KCNJ6: variants seen among roughly 807,000 people sequenced by gnomAD.
KCNJ6 encodes G protein-activated inward rectifier potassium channel 2.
Under a neutral mutation model 34.2 loss-of-function variants are expected in KCNJ6, and 9 were observed. That is an observed-to-expected ratio of 0.26 (90% confidence interval 0.16 to 0.46). The LOEUF is 0.46. Among genes scored for constraint, KCNJ6 ranks in the 20% least tolerant of loss-of-function variants. KCNJ6 has a pLI of 1.00. For synonymous variants in KCNJ6, 196 were observed against 207.1 expected (o/e 0.95, Z 0.46); for missense variants, 236 against 531.3 (o/e 0.44, Z 5.46).
At chr21:37,748,226 G>T (rs535685569) in intron 2 of KCNJ6, among the ~76,000 whole-genome samples, 6 of 152,302 alleles carry the variant, frequency 3.9e-5, no homozygotes, top group Admixed American at 2.6e-4. Context: ...CAGTTTAATT[G>T]GATCTAGGAA....
At position 37,655,212 on chromosome 21, in the gene KCNJ6, TGTGTGTGTGTGTGAGAGAGAGAGA is replaced by T. The variant is rs1569438828; in HGVS notation, c.947-29752_947-29729del. ...GTGTGTGTGTGTGTGTGTGTGTGTG[TGTGTGTGTGTGTGAGAGAGAGAGA>T]GAGAGAGAGAGAGAGAGAGAGAGAG... is the stretch of plus-strand genomic sequence containing the variant. On this transcript the variant is annotated intron_variant, in intron 3 of 3. Transcript: ENST00000609713. Among the ~76,000 whole-genome samples the T allele has an allele frequency of 2.3e-3, 137 of 60,084 alleles. 6 individuals are homozygous for T. The highest frequency in any genetic ancestry group is 0.022 in the East Asian group (61 of 2,824). 39.4% of individuals were successfully genotyped at this position (60,084 alleles called of 152,430 possible).
chr21:37,701,040 AG>A (rs2054688405), intron 3 of KCNJ6, among the ~76,000 whole-genome samples: 2 of 152,160 alleles, frequency 1.3e-5, no homozygotes, highest in African/African-American at 4.8e-5. Flanking sequence ...ATCTGACTTT[AG>A]GACACATTAT....
intron 2 of KCNJ6, among the ~76,000 whole-genome samples, chr21:37,718,407 G>A (rs767727009): frequency 2.0e-5 from 3 of 152,198 alleles, no homozygotes; most frequent in Non-Finnish European, 2.9e-5. Flanking sequence ...AGAGTGGTCA[G>A]GGGGAATGGT....
intron 3 of KCNJ6, among the ~76,000 whole-genome samples, chr21:37,668,767 AAGG>A (rs1009226490): frequency 1.3e-5 from 2 of 152,198 alleles, no homozygotes; most frequent in Non-Finnish European, 2.9e-5. Flanking sequence ...TCTGCTGAGG[AAGG>A]AGAAGGATCC....
At chr21:37,718,281 G>A (rs2054804883) in intron 2 of KCNJ6, among the ~76,000 whole-genome samples, 1 of 152,188 alleles carries the variant, frequency 6.6e-6, no homozygotes, top group Non-Finnish European at 1.5e-5. Flanking sequence ...TATCTGTCTA[G>A]AAACCAGAAA....
At chr21:37,838,506 A>C (rs2055463205) in intron 2 of KCNJ6, among the ~76,000 whole-genome samples, 1 of 152,208 alleles carries the variant, frequency 6.6e-6, no homozygotes, top group Non-Finnish European at 1.5e-5. Flanking sequence ...CCATTCATGG[A>C]CAATGATGCT....
chr21:37,751,626 C>T (rs561586052), intron 2 of KCNJ6, among the ~76,000 whole-genome samples: 1 of 152,306 alleles, frequency 6.6e-6, no homozygotes, highest in African/African-American at 2.4e-5. Flanking sequence ...GGTGAGTTCC[C>T]CCTCTAAATG....
intron 1 of KCNJ6, among the ~76,000 whole-genome samples, chr21:37,863,614 T>A (rs1401922753): frequency 6.6e-6 from 1 of 152,198 alleles, no homozygotes; most frequent in African/African-American, 2.4e-5. Flanking sequence ...ATAAGGTTAT[T>A]AAAATATTAT....
intron 1 of KCNJ6, among the ~76,000 whole-genome samples, chr21:37,858,392 C>CAAAAAAAAAA (rs60814205): frequency 4.2e-4 from 23 of 54,520 alleles, no homozygotes; most frequent in African/African-American, 1.5e-3. Context: ...GACTCCGTCT[C>CAAAAAAAAAA]AAAAAAAAAA....
At chr21:37,761,510 T>C (rs901619843) in intron 2 of KCNJ6, among the ~76,000 whole-genome samples, 1 of 150,810 alleles carries the variant, frequency 6.6e-6, no homozygotes, top group African/African-American at 2.4e-5. Context: ...ATGTAGTGCA[T>C]GTGTATATTT....
At chr21:37,791,052 C>T (rs2055214306) in intron 2 of KCNJ6, among the ~76,000 whole-genome samples, 1 of 152,196 alleles carries the variant, frequency 6.6e-6, no homozygotes, top group Non-Finnish European at 1.5e-5. Flanking sequence ...CAGCTGGGCG[C>T]TTCATCCCAA....
At chr21:37,729,329 CT>C (rs1288117472) in intron 2 of KCNJ6, among the ~76,000 whole-genome samples, 2 of 110,264 alleles carry the variant, frequency 1.8e-5, no homozygotes, top group South Asian at 3.3e-4. Flanking sequence ...GATTCTTCTT[CT>C]TTTTGGGGGG....
chr21:37,752,579 G>A (rs1293280253), intron 2 of KCNJ6, among the ~76,000 whole-genome samples: 2 of 152,074 alleles, frequency 1.3e-5, no homozygotes, highest in Admixed American at 1.3e-4. Flanking sequence ...AGAGGGAGGT[G>A]CTGGGTCCCA....
chr21:37,716,415 T>C (rs1157402266), intron 2 of KCNJ6, among the ~76,000 whole-genome samples: 1 of 151,258 alleles, frequency 6.6e-6, no homozygotes, highest in Admixed American at 6.6e-5. Context: ...GGTCTCGCTC[T>C]GCCACCCAGG....
In KCNJ6 at chr21:37,712,649, C is replaced by T. The variant is rs1248687618; in HGVS notation, c.946+1562G>A. On this transcript the variant is annotated intron_variant, in intron 3 of 3. Coordinates refer to ENST00000609713, the MANE Select transcript of KCNJ6 (RefSeq NM_002240.5). ...CTCTTCCCTCCCTCCTCCCCTTCTC[C>T]TCCTCTCCTTCCTCCCTTTCTCTTC... is the stretch of plus-strand genomic sequence containing the variant. Among the ~76,000 whole-genome samples the T allele has an allele frequency of 8.9e-5, 9 of 101,638 alleles. 1 individual carries two copies. The highest frequency in any genetic ancestry group is 2.8e-4 in the East Asian group (1 of 3,576). The allele number at this position is 101,638 out of a possible 152,430, so 66.7% of individuals were successfully genotyped here. A position where few individuals can be genotyped will look rare whatever the true frequency, so the allele number is the denominator to read the frequency against.
chr21:37,687,161 G>T (rs772738101), intron 3 of KCNJ6, among the ~76,000 whole-genome samples: 2 of 151,986 alleles, frequency 1.3e-5, no homozygotes, highest in Non-Finnish European at 2.9e-5. Flanking sequence ...CATGACAGGC[G>T]CCTCTTAACC....
chr21:37,857,589 A>ATATATATATAT (rs1568874228), intron 1 of KCNJ6, among the ~76,000 whole-genome samples: 1 of 152,220 alleles, frequency 6.6e-6, no homozygotes, highest in African/African-American at 2.4e-5. Flanking sequence ...TGTAAGGACT[A>ATATATATATAT]AACCTCTGAC....
chr21:37,720,722 A>G (rs1378301156), intron 2 of KCNJ6, among the ~76,000 whole-genome samples: 2 of 141,420 alleles, frequency 1.4e-5, no homozygotes, highest in Non-Finnish European at 3.1e-5. Context: ...TTTTTTTGAG[A>G]CGGAGTCTCG....
chr21:37,907,765 C>G (rs1217696535), intron 1 of KCNJ6, among the ~76,000 whole-genome samples: 1 of 152,216 alleles, frequency 6.6e-6, no homozygotes, highest in African/African-American at 2.4e-5. Context: ...ATCATGCCTC[C>G]TCCCCCACAT....
Sources: gnomAD v4.1 joint callset for allele counts (sites outside exome capture counted in the v4.1 genomes callset) on GRCh38, gnomAD v4.1.1 for gene constraint, MANE v1.5 for transcripts, NCBI Gene and HGNC (gene_info 2026-07-23, HGNC 2026-07-21) for gene names.